PLTP: variants seen among roughly 807,000 people sequenced by gnomAD.
PLTP encodes phospholipid transfer protein, also known as BPI fold containing family E.
Under a neutral mutation model 54.1 loss-of-function variants are expected in PLTP, and 43 were observed. The observed-to-expected ratio is 0.79, with a 90% CI of 0.62 to 1.02. The LOEUF is 1.02. PLTP is among the 50% of genes least tolerant of loss of function. The pLI is 0.00. For synonymous variants in PLTP, 263 were observed against 264.6 expected, an observed-to-expected ratio of 0.99 and a Z score of 0.06; for missense variants, 604 against 645.9, an observed-to-expected ratio of 0.94 and a Z score of 0.70.
intron 12 of PLTP, 31 bp from the exon 13 acceptor site, chr20:45,899,909 G>A: frequency 6.5e-7 from 1 of 1,547,790 alleles, no homozygotes; most frequent in Non-Finnish European, 8.7e-7. Flanking sequence ...CTGTGGGCAG[G>A]AAGCCTGGAA....
Position 45,907,748 on chromosome 20 carries a change from G to C in PLTP, c.557C>G (p.Pro186Arg). The change falls in exon 7 of 16, where the codon CCT (proline) becomes CGT (arginine). Residue 186 changes from proline to arginine, a missense_variant. By Grantham distance (103) the Pro-to-Arg change is moderately radical. Coordinates refer to ENST00000372431, the MANE Select transcript of PLTP (RefSeq NM_006227.4). ...GACCGTCCCTGCGTGGTAGAGGACA[G>C]GGCAGATCTGCGAGGTGGGAGCCAG... is the stretch of plus-strand genomic sequence containing the variant. ...MRFLLNQQIC[P>R]VLYHAGTVLL... 6.2e-7 allele frequency: 1 copy of C among 1,613,724 alleles called. No individual in the cohort carries two copies. The highest frequency in any genetic ancestry group is 8.5e-7 in the Non-Finnish European group (1 of 1,179,942).
rs1022453618 is a variant in PLTP, at chr20:45,904,942, C to T, written c.882G>A (p.Lys294=). Residue 294 remains lysine, a splice_region_variant and synonymous_variant, in exon 9 of 16, where the codon AAG becomes AAA. Coordinates refer to ENST00000372431, the MANE Select transcript of PLTP (RefSeq NM_006227.4). The stretch of plus-strand genomic sequence containing the variant: ...ATCCCACAAACAGGCCATGACATAC[C>T]TTGTCCCCCACCAGCAACAGCTGCA... ...GALQLLLVGD[K]VPHDLDMLLR... The T allele has an allele frequency of 6.2e-7, 1 of 1,614,244 alleles. No homozygotes were observed. Among genetic ancestry groups the T allele is most frequent in the Non-Finnish European group, 8.5e-7 (1 of 1,180,030 alleles).
chr20:45,898,813 G>T lies in PLTP; in HGVS notation c.*128C>A. On this transcript the variant is annotated 3_prime_UTR_variant, in exon 16 of 16. Transcript: ENST00000372431. The surrounding 1 kb of genome is among the most constrained non-coding windows in gnomAD (Gnocchi z 4.6). ...TGATTATGGAATTAAATTGGGTACA[G>T]CTTCAAATCCCGTCTTCTCTGTGGC... 9.2e-7 allele frequency: 1 copy of T among 1,089,618 alleles called. No individual in the cohort carries two copies. The highest frequency in any genetic ancestry group is 1.3e-6 in the Non-Finnish European group (1 of 763,734). 67.5% of individuals were successfully genotyped at this position (1,089,618 alleles called of 1,614,324 possible). A position where few individuals can be genotyped will look rare whatever the true frequency, so the allele number is the denominator to read the frequency against.
intron 5 of PLTP, among the ~76,000 whole-genome samples, chr20:45,908,802 A>G (rs1034816035): frequency 1.3e-5 from 2 of 150,106 alleles, no homozygotes; most frequent in Non-Finnish European, 3.0e-5. Flanking sequence ...ACTCCCTCTC[A>G]AAAAAAAAAT....
chr20:45,904,339 G>GT (rs534134289), intron 10 of PLTP, among the ~76,000 whole-genome samples: 77 of 152,236 alleles, frequency 5.1e-4, no homozygotes, highest in African/African-American at 1.8e-3. Flanking sequence ...GCACAAGCCT[G>GT]TAATTCCAGC....
In PLTP at chr20:45,907,615, C is replaced by T. The variant is rs11569645; in HGVS notation, c.613+77G>A. The T allele has an allele frequency of 2.9e-6, 4 of 1,373,096 alleles. No individual in the cohort carries two copies. The Admixed American group carries it at 5.5e-5, about 19-fold the overall frequency. The allele number at this position is 1,373,096 out of a possible 1,614,324, so 85.1% of individuals were successfully genotyped here. A position where few individuals can be genotyped will look rare whatever the true frequency, so the allele number is the denominator to read the frequency against. Reference sequence around the variant, plus strand: ...CACATTTGAACCCAGGACTGTTCAACAGCAGGGCTCGGAAGGGGCCTGCTC... The same window carrying T: ...CACATTTGAACCCAGGACTGTTCAATAGCAGGGCTCGGAAGGGGCCTGCTC... On this transcript the variant is annotated intron_variant, in intron 7 of 15. Coordinates refer to ENST00000372431, the MANE Select transcript of PLTP (RefSeq NM_006227.4).
Position 45,898,828 on chromosome 20 carries a change from T to C in PLTP, c.*113A>G. 8.2e-7 allele frequency: 1 copy of C among 1,224,428 alleles called. No individual in the cohort carries two copies. The highest frequency in any genetic ancestry group is 1.5e-5 in the African/African-American group (1 of 66,348). The allele number at this position is 1,224,428 out of a possible 1,614,324, so 75.8% of individuals were successfully genotyped here. A position where few individuals can be genotyped will look rare whatever the true frequency, so the allele number is the denominator to read the frequency against. On this transcript the variant is annotated 3_prime_UTR_variant, in exon 16 of 16. Transcript: ENST00000372431. The surrounding 1 kb of genome is among the most constrained non-coding windows in gnomAD (Gnocchi z 4.6). The stretch of plus-strand genomic sequence containing the variant: ...ATTGGGTACAGCTTCAAATCCCGTC[T>C]TCTCTGTGGCACTGGGGGTTAGAGG...
chr20:45,911,210 T>C lies in PLTP; in HGVS notation c.142A>G (p.Thr48Ala). Residue 48 changes from threonine (T) to alanine (A), a missense_variant, in exon 3 of 16, where the codon ACT becomes GCT. Thr to Ala is a moderately conservative substitution (Grantham distance 58). Coordinates refer to ENST00000372431, the MANE Select transcript of PLTP (RefSeq NM_006227.4). ...CCCCGCAGGTCCGGAATGGTGATAG[T>C]CTCCAGCTCTTGCTCCAGAAAGCGC... ...GLRFLEQELE[T>A]ITIPDLRGKE... is the part of the protein sequence containing the mutation. 1 of 1,614,090 alleles carries C rather than the reference T, an allele frequency of 6.2e-7. No individual in the cohort carries two copies. The highest frequency in any genetic ancestry group is 8.5e-7 in the Non-Finnish European group (1 of 1,180,002).
chr20:45,906,413 T>A, intron 7 of PLTP, 54 bp from the exon 8 acceptor site: 1 of 1,389,778 alleles, frequency 7.2e-7, no homozygotes, highest in Non-Finnish European at 1.0e-6. Context: ...ATAAGGTGCT[T>A]AACCTCTCCA....
intron 10 of PLTP, among the ~76,000 whole-genome samples, chr20:45,904,049 C>T (rs1053823312): frequency 2.6e-5 from 4 of 152,136 alleles, no homozygotes; most frequent in African/African-American, 9.7e-5. Flanking sequence ...GGTTAAGTAA[C>T]TTGTAGAGGT....
Position 45,906,906 on chromosome 20 carries a change from A to AAAAAAAAGATG in PLTP, c.614-548_614-547insCATCTTTTTTT, listed in dbSNP as rs1555835569. ...ACTCCATCTCAAAAAAAAAAAAAAA[A>AAAAAAAAGATG]AAAAAAGATGGCATGAGGTTCCTTT... is the stretch of plus-strand genomic sequence containing the variant. On this transcript the variant is annotated intron_variant, in intron 7 of 15. Transcript: ENST00000372431. Among the ~76,000 whole-genome samples the AAAAAAAAGATG allele has an allele frequency of 1.7e-3, 206 of 123,080 alleles. 7 individuals carry two copies. Among genetic ancestry groups the AAAAAAAAGATG allele is most frequent in the African/African-American group, 5.2e-3 (198 of 38,380 alleles). The allele number at this position is 123,080 out of a possible 152,430, so 80.7% of individuals were successfully genotyped here. A position where few individuals can be genotyped will look rare whatever the true frequency, so the allele number is the denominator to read the frequency against.
At chr20:45,904,153 T>C (rs1217737086) in intron 10 of PLTP, among the ~76,000 whole-genome samples, 3 of 152,230 alleles carry the variant, frequency 2.0e-5, no homozygotes, top group Non-Finnish European at 4.4e-5. Flanking sequence ...TGATAATGAC[T>C]GAATTATTTC....
chr20:45,902,328 G>A lies in PLTP; in HGVS notation c.1114C>T (p.Arg372Cys), dbSNP rs148188588. ...VQLSSMTMDARLSAKMALRGK... is the reference protein window; with the variant it reads ...VQLSSMTMDACLSAKMALRGK... ...CGGAGAGCCATCTTGGCGCTGAGAC[G>A]GGCGTCCTGCAGGAACATGGGGAGG... The change falls in exon 12 of 16, where the codon CGT becomes TGT. Residue 372 changes from arginine to cysteine, a missense_variant. Transcript: ENST00000372431. The A allele has an allele frequency of 3.8e-5, 62 of 1,614,036 alleles. No individual in the cohort carries two copies. In the Middle Eastern group the frequency reaches 4.9e-4, roughly 13 times the overall value.
rs774625921 is a variant in PLTP, at chr20:45,911,395, G to C, written c.58C>G (p.Pro20Ala). 24 of 1,610,436 alleles carry C rather than the reference G, an allele frequency of 1.5e-5. No homozygotes were observed. The highest frequency in any genetic ancestry group is 1.8e-5 in the Non-Finnish European group (21 of 1,180,004). The change falls in exon 2 of 16, where the codon CCA becomes GCA. Residue 20 changes from proline to alanine, a missense_variant. Physicochemically the swap from Pro to Ala is conservative, Grantham distance 27 (BLOSUM62 -1). Coordinates refer to ENST00000372431, the MANE Select transcript of PLTP (RefSeq NM_006227.4). ...GAGGTGACGCGGATCTTGCAGCCTG[G>C]GAACTCTGCATGTGCGCCTGCCAGC... ...ALLAGAHAEF[P>A]GCKIRVTSKA...
chr20:45,902,386 A>G (rs1429019088), intron 11 of PLTP, 52 bp from the exon 12 acceptor site: 2 of 1,614,010 alleles, frequency 1.2e-6, no homozygotes, highest in Non-Finnish European at 1.7e-6. Context: ...TCAGTAACCC[A>G]CAGCCCATTT....
In PLTP at chr20:45,909,845, G is replaced by T. The variant is rs435306; in HGVS notation, c.329+97C>A. On this transcript the variant is annotated intron_variant, in intron 4 of 15. Transcript: ENST00000372431. Reference sequence around the variant, plus strand: ...GTTTCTGTTACACAGATGAAGAAACGGAAACTCAGGAAGGCTAAGGGGGCT... The same window carrying T: ...GTTTCTGTTACACAGATGAAGAAACTGAAACTCAGGAAGGCTAAGGGGGCT... 0.74 allele frequency: 1,117,156 copies of T among 1,519,400 alleles called. 412,698 individuals are homozygous for T. The highest frequency in any genetic ancestry group is 0.85 in the Admixed American group (50,176 of 59,136). The allele number at this position is 1,519,400 out of a possible 1,614,324, so 94.1% of individuals were successfully genotyped here.
intron 7 of PLTP, 37 bp from the exon 8 acceptor site, chr20:45,906,396 A>G (rs1484595133): frequency 1.3e-6 from 2 of 1,538,624 alleles, no homozygotes; most frequent in East Asian, 4.6e-5. Context: ...CGGCTGTGTG[A>G]TGTGGGATAA....
Position 45,902,275 on chromosome 20 carries a change from G to T in PLTP, c.1167C>A (p.Asp389Glu), listed in dbSNP as rs1230414870. The T allele has an allele frequency of 1.1e-5, 17 of 1,613,938 alleles. No individual in the cohort carries two copies. Among genetic ancestry groups the T allele is most frequent in the Non-Finnish European group, 1.4e-5 (17 of 1,180,026 alleles). ...LRGKALRTQLDLRRFRIYSNH... is the reference protein window; with the variant it reads ...LRGKALRTQLELRRFRIYSNH... ...GAAGTGCGCCTGCCTACCTGCGCAGGTCCAGCTGCGTGCGCAGGGCCTTCC... is the reference window on the plus strand; with the variant it reads ...GAAGTGCGCCTGCCTACCTGCGCAGTTCCAGCTGCGTGCGCAGGGCCTTCC... The change falls in exon 12 of 16, where the codon GAC becomes GAA. Residue 389 changes from aspartate to glutamate, a missense_variant. Transcript: ENST00000372431.
At position 45,909,978 on chromosome 20, in the gene PLTP, C is replaced by T. The variant is rs2083275435; in HGVS notation, c.293G>A (p.Gly98Glu). ...GAGCAGCTGTCTCCGGAAGCGCAGC[C>T]CCAAGGAGGCATTGGTGATTTGAAG... ...LMLQITNASL[G>E]LRFRRQLLYW... The change falls in exon 4 of 16, where the codon GGG becomes GAG. Residue 98 changes from glycine (G) to glutamate (E), a missense_variant. By Grantham distance (98) the Gly-to-Glu change is moderately conservative. Coordinates refer to ENST00000372431, the MANE Select transcript of PLTP (RefSeq NM_006227.4). 1 of 1,614,076 alleles carries T rather than the reference C, an allele frequency of 6.2e-7. No homozygotes were observed. The highest frequency in any genetic ancestry group is 8.5e-7 in the Non-Finnish European group (1 of 1,180,002).
Sources: gnomAD v4.1 joint callset for allele counts (sites outside exome capture counted in the v4.1 genomes callset) on GRCh38, gnomAD v4.1.1 for gene constraint, Gnocchi (gnomAD v3.1) non-coding constraint, MANE v1.5 for transcripts, NCBI Gene and HGNC (gene_info 2026-07-23, HGNC 2026-07-21) for gene names.